The following DLGAP2 variants were observed in gnomAD, a reference collection of about 807,000 sequenced individuals.
The protein encoded by DLGAP2 is DLG associated protein 2.
In DLGAP2, 26 loss-of-function variants were observed where a neutral mutation model predicts 100.3. The observed-to-expected ratio is 0.26, with a 90% CI of 0.19 to 0.36. The LOEUF (loss-of-function observed/expected upper bound fraction) is 0.36. DLGAP2 is among the 10% of genes least tolerant of loss of function. The pLI, the probability that DLGAP2 is intolerant of heterozygous loss-of-function variation, is 1.00. For synonymous variants in DLGAP2, 886 were observed against 630.1 expected (o/e 1.41, Z -6.08); for missense variants, 1,858 against 1,453.2 (o/e 1.28, Z -4.53).
chr8:1,186,761 A>G (rs920637784), intron 2 of DLGAP2, among the ~76,000 whole-genome samples: 3 of 152,044 alleles, frequency 2.0e-5, no homozygotes, highest in African/African-American at 7.2e-5. Context: ...CCCTGGCTCT[A>G]AGGAGCTTGG....
intron 1 of DLGAP2, among the ~76,000 whole-genome samples, chr8:870,511 C>A (rs923080349): frequency 6.6e-6 from 1 of 152,140 alleles, no homozygotes; most frequent in Non-Finnish European, 1.5e-5. Context: ...ACCCCTTTGC[C>A]GTCTGTCTCC....
intron 5 of DLGAP2, among the ~76,000 whole-genome samples, chr8:1,557,718 T>A (rs1352465307): frequency 6.6e-6 from 1 of 152,198 alleles, no homozygotes; most frequent in African/African-American, 2.4e-5. Context: ...GAGCCTCTCC[T>A]GGGCACGCAG....
At chr8:1,683,313 T>C (rs1216609772) in intron 12 of DLGAP2, among the ~76,000 whole-genome samples, 1 of 151,276 alleles carries the variant, frequency 6.6e-6, no homozygotes, top group African/African-American at 2.4e-5. Flanking sequence ...GAAAAGGAGA[T>C]TCAAGAGTCC....
At position 1,330,767 on chromosome 8, in the gene DLGAP2, G is replaced by A. The variant is rs554228741; in HGVS notation, c.106+71884G>A. Among the ~76,000 whole-genome samples, 5 of 139,244 alleles carry A rather than the reference G, an allele frequency of 3.6e-5. 1 individual carries two copies. Among genetic ancestry groups the A allele is most frequent in the African/African-American group, 1.1e-4 (4 of 35,358 alleles). 91.3% of individuals were successfully genotyped at this position (139,244 alleles called of 152,430 possible). A position where few individuals can be genotyped will look rare whatever the true frequency, so the allele number is the denominator to read the frequency against. ...TTCTGGGTGGGAGCACCGCTTCATC[G>A]GGACCGAGTTCTGGGTGGGAGCACT... is the stretch of plus-strand genomic sequence containing the variant. On this transcript the variant is annotated intron_variant, in intron 3 of 14. Transcript: ENST00000637795.
Position 1,367,709 on chromosome 8 carries a change from C to T in DLGAP2, c.106+108826C>T, listed in dbSNP as rs1185407178. ...GTTTTGTAACAAAGAGTGTTTAATG[C>T]GTGTCTCATTTAAAACGGTTCCCTA... On this transcript the variant is annotated intron_variant, in intron 3 of 14. Transcript: ENST00000637795. Among the ~76,000 whole-genome samples the T allele has an allele frequency of 2.6e-5, 4 of 152,288 alleles. No individual in the cohort carries two copies. The South Asian group carries it at 6.2e-4, about 24-fold the overall frequency.
At chr8:1,543,884 C>G (rs545304003) in intron 4 of DLGAP2, among the ~76,000 whole-genome samples, 1 of 151,854 alleles carries the variant, frequency 6.6e-6, no homozygotes, top group Admixed American at 6.6e-5. Flanking sequence ...TTTCAGTGTA[C>G]GAATCTTTCA....
chr8:1,374,020 G>C (rs1367254692), intron 3 of DLGAP2, among the ~76,000 whole-genome samples: 3 of 152,198 alleles, frequency 2.0e-5, no homozygotes, highest in African/African-American at 7.2e-5. Flanking sequence ...GCTGAGGGGT[G>C]GGGCGTTTGC....
At position 1,178,548 on chromosome 8, in the gene DLGAP2, C is replaced by A. The variant is rs115311290; in HGVS notation, c.74-80303C>A. ...GCACTTGGTTTCAACTGGGATTTAA[C>A]GAAAGGCACCTTTTTAGGCAAAGTT... On this transcript the variant is annotated intron_variant, in intron 2 of 14. Coordinates refer to ENST00000637795, the MANE Select transcript of DLGAP2 (RefSeq NM_001346810.2). Among the ~76,000 whole-genome samples, 456 of 152,232 alleles carry A rather than the reference C, an allele frequency of 3.0e-3. 1 individual carries two copies. The highest frequency in any genetic ancestry group is 0.011 in the African/African-American group (437 of 41,548).
intron 2 of DLGAP2, among the ~76,000 whole-genome samples, chr8:958,261 C>G (rs1474730778): frequency 2.0e-5 from 3 of 152,164 alleles, no homozygotes; most frequent in Non-Finnish European, 2.9e-5. Context: ...TGGACACCCC[C>G]CCACCGCCGC....
At chr8:1,477,162 G>T (rs1209255691) in intron 3 of DLGAP2, among the ~76,000 whole-genome samples, 1 of 152,070 alleles carries the variant, frequency 6.6e-6, no homozygotes, top group African/African-American at 2.4e-5. Flanking sequence ...CCAGCTGGCT[G>T]TCAGATGGGA....
At chr8:1,157,282 C>A (rs541072311) in intron 2 of DLGAP2, among the ~76,000 whole-genome samples, 2 of 152,204 alleles carry the variant, frequency 1.3e-5, no homozygotes, top group South Asian at 4.2e-4. Flanking sequence ...GGCACAGATG[C>A]GGGCTGTGAT....
At chr8:1,662,770 T>G (rs1368888122) in intron 8 of DLGAP2, among the ~76,000 whole-genome samples, 1 of 152,182 alleles carries the variant, frequency 6.6e-6, no homozygotes, top group Non-Finnish European at 1.5e-5. Flanking sequence ...CATGTGTGAG[T>G]GTGGGGTGTG....
chr8:1,321,488 C>A (rs1452359473), intron 3 of DLGAP2, among the ~76,000 whole-genome samples: 1 of 152,248 alleles, frequency 6.6e-6, no homozygotes, highest in Non-Finnish European at 1.5e-5. Flanking sequence ...TATGCATGGT[C>A]CGTGACCACC....
intron 4 of DLGAP2, among the ~76,000 whole-genome samples, chr8:1,546,839 T>G (rs1359510424): frequency 6.6e-6 from 1 of 152,060 alleles, no homozygotes; most frequent in Non-Finnish European, 1.5e-5. Context: ...ACGGGAGAGC[T>G]GGCAGGCAGG....
chr8:1,206,887 C>A (rs994455476), intron 2 of DLGAP2, among the ~76,000 whole-genome samples: 1 of 152,270 alleles, frequency 6.6e-6, no homozygotes, highest in African/African-American at 2.4e-5. Flanking sequence ...CATCCCTGTC[C>A]CCGGTCTGCC....
chr8:1,156,633 C>G (rs1201801856), intron 2 of DLGAP2, among the ~76,000 whole-genome samples: 2 of 151,810 alleles, frequency 1.3e-5, no homozygotes. Context: ...CCCAGCCCAG[C>G]GCCCCGGCTC....
chr8:1,169,390 T>G (rs999902965), intron 2 of DLGAP2, among the ~76,000 whole-genome samples: 4 of 152,168 alleles, frequency 2.6e-5, no homozygotes, highest in African/African-American at 4.8e-5. Context: ...CATATGAACT[T>G]TAAAGTAGTT....
At chr8:1,457,074 C>T (rs991649519) in intron 3 of DLGAP2, among the ~76,000 whole-genome samples, 2 of 152,182 alleles carry the variant, frequency 1.3e-5, no homozygotes, top group South Asian at 2.1e-4. Flanking sequence ...TTGTTCCCTC[C>T]GTGCCCCTAG....
intron 2 of DLGAP2, among the ~76,000 whole-genome samples, chr8:1,196,271 A>T (rs1447110763): frequency 6.6e-6 from 1 of 152,228 alleles, no homozygotes; most frequent in African/African-American, 2.4e-5. Context: ...GCATCTGCAT[A>T]GAGTAAAGCA....
Sources: gnomAD v4.1 joint callset for allele counts (sites outside exome capture counted in the v4.1 genomes callset) on GRCh38, gnomAD v4.1.1 for gene constraint, MANE v1.5 for transcripts, NCBI Gene and HGNC (gene_info 2026-07-23, HGNC 2026-07-21) for gene names.